C12orf42: variants seen among roughly 807,000 people sequenced by gnomAD.
The protein encoded by C12orf42 is uncharacterized protein C12orf42.
Under a neutral mutation model 21.6 loss-of-function variants are expected in C12orf42, and 25 were observed. That is an observed-to-expected ratio of 1.16 (90% confidence interval 0.84 to 1.62). The LOEUF is 1.62. C12orf42 is among the 40% of genes most tolerant of loss of function. The pLI is 0.00. For missense variants in C12orf42, 483 were observed against 459.3 expected (o/e 1.05, Z -0.47); for synonymous variants, 174 against 175.0 (o/e 0.99, Z 0.05).
chr12:103,194,051 A>G, the C12orf42 span, among the ~76,000 whole-genome samples: 1 of 152,174 alleles, frequency 6.6e-6, no homozygotes, highest in Non-Finnish European at 1.5e-5. Flanking sequence ...GATAGTCCAC[A>G]TTAACAAATG....
At chr12:103,098,691 G>C in the C12orf42 span, among the ~76,000 whole-genome samples, 4 of 152,190 alleles carry the variant, frequency 2.6e-5, no homozygotes, top group Non-Finnish European at 5.9e-5. Flanking sequence ...CTGCCTAAGA[G>C]AGGCACCAAA....
chr12:103,249,822 G>A (rs1048724121), intron 10 of C12orf42, among the ~76,000 whole-genome samples: 1 of 151,984 alleles, frequency 6.6e-6, no homozygotes, highest in Non-Finnish European at 1.5e-5. Context: ...CAAAAGCCAG[G>A]GTAAGTGAGC....
chr12:103,489,713 C>G (rs1436016316), intron 1 of C12orf42, among the ~76,000 whole-genome samples: 1 of 152,210 alleles, frequency 6.6e-6, no homozygotes, highest in Admixed American at 6.5e-5. Flanking sequence ...CAGACTGCTA[C>G]GCTAGAGTGA....
the C12orf42 span, among the ~76,000 whole-genome samples, chr12:103,508,746 C>A: frequency 6.6e-6 from 1 of 152,154 alleles, no homozygotes; most frequent in Non-Finnish European, 1.5e-5. Flanking sequence ...GGCCAATAAC[C>A]TAAGCAAAGG....
chr12:103,374,969 C>T (rs528556201), intron 3 of C12orf42, among the ~76,000 whole-genome samples: 2 of 152,292 alleles, frequency 1.3e-5, no homozygotes, highest in East Asian at 1.9e-4. Context: ...TTTACGTATT[C>T]CAGAAATGAA....
the C12orf42 span, among the ~76,000 whole-genome samples, chr12:103,150,622 C>T: frequency 6.6e-6 from 1 of 152,150 alleles, no homozygotes; most frequent in African/African-American, 2.4e-5. Flanking sequence ...CATGCATCTA[C>T]TAAAGGGTGG....
At chr12:103,289,251 C>T (rs898556640) in intron 4 of C12orf42, among the ~76,000 whole-genome samples, 1 of 130,704 alleles carries the variant, frequency 7.7e-6, no homozygotes, top group African/African-American at 2.9e-5. Context: ...TTCATCATGA[C>T]AAAACAAAGG....
chr12:103,276,036 G>A (rs923208796), intron 5 of C12orf42, among the ~76,000 whole-genome samples: 4 of 152,050 alleles, frequency 2.6e-5, no homozygotes, highest in Admixed American at 6.5e-5. Flanking sequence ...TCATGCCTCC[G>A]CACTCCAGCC....
the C12orf42 span, among the ~76,000 whole-genome samples, chr12:103,529,394 G>A: frequency 6.6e-6 from 1 of 152,222 alleles, no homozygotes; most frequent in Admixed American, 6.5e-5. Flanking sequence ...TGTAAATGCT[G>A]TAGCAGCTCT....
chr12:103,195,986 T>C, the C12orf42 span, among the ~76,000 whole-genome samples: 76 of 152,258 alleles, frequency 5.0e-4, no homozygotes, highest in Admixed American at 9.2e-4. Context: ...AGGGGTCCAG[T>C]TTCAATCTTC....
chr12:103,500,260 GA>G (rs1955686350), upstream of C12orf42, among the ~76,000 whole-genome samples: 1 of 152,174 alleles, frequency 6.6e-6, no homozygotes, highest in South Asian at 2.1e-4. Flanking sequence ...AAGCATGTTT[GA>G]AAGATATCTA....
intron 3 of C12orf42, among the ~76,000 whole-genome samples, chr12:103,379,830 G>A (rs1311215673): frequency 6.6e-6 from 1 of 152,164 alleles, no homozygotes; most frequent in East Asian, 1.9e-4. Flanking sequence ...ATTCAGATTT[G>A]TGTTTCTGTT....
the C12orf42 span, among the ~76,000 whole-genome samples, chr12:103,050,869 A>G: frequency 2.0e-5 from 3 of 152,294 alleles, no homozygotes; most frequent in East Asian, 5.8e-4. Flanking sequence ...TTCAGCTTTC[A>G]AAAATACTTT....
chr12:103,530,505 A>G, the C12orf42 span, among the ~76,000 whole-genome samples: 1 of 152,284 alleles, frequency 6.6e-6, no homozygotes, highest in Non-Finnish European at 1.5e-5. Flanking sequence ...GTGTTGCCCC[A>G]GCTTCTCATT....
chr12:103,183,767 G>A, the C12orf42 span, among the ~76,000 whole-genome samples: 15 of 152,080 alleles, frequency 9.9e-5, no homozygotes, highest in East Asian at 3.9e-4. Flanking sequence ...TTATACACTC[G>A]TTTTTATTTA....
chr12:103,254,468 C>T (rs116742345), intron 10 of C12orf42, among the ~76,000 whole-genome samples: 80 of 152,290 alleles, frequency 5.3e-4, no homozygotes, highest in African/African-American at 1.9e-3. Flanking sequence ...AACTACACTA[C>T]GAGGCTACAG....
the C12orf42 span, among the ~76,000 whole-genome samples, chr12:103,115,765 T>C: frequency 0.012 from 1,882 of 152,322 alleles, 36 homozygotes; most frequent in African/African-American, 0.042. Flanking sequence ...CTCCCAGTTC[T>C]ACCCATAGCA....
At chr12:103,383,349 C>A (rs2046339426) in intron 3 of C12orf42, among the ~76,000 whole-genome samples, 1 of 152,162 alleles carries the variant, frequency 6.6e-6, no homozygotes, top group South Asian at 2.1e-4. Context: ...GGTGATCCAC[C>A]TATTTTGGCC....
the C12orf42 span, among the ~76,000 whole-genome samples, chr12:103,230,375 C>T: frequency 2.6e-5 from 4 of 152,026 alleles, no homozygotes; most frequent in Admixed American, 2.6e-4. Flanking sequence ...GAAAGAACTA[C>T]TCTAGAGCAA....
Sources: allele counts gnomAD v4.1 joint callset (sites outside exome capture counted in the v4.1 genomes callset), GRCh38; gene constraint gnomAD v4.1.1; transcripts MANE v1.5; gene names NCBI Gene and HGNC (gene_info 2026-07-23, HGNC 2026-07-21).